The following PPP2R3A variants were observed in gnomAD, a reference collection of about 807,000 sequenced individuals.
PPP2R3A encodes serine/threonine-protein phosphatase 2A regulatory subunit B'' subunit alpha.
Under a neutral mutation model 106.9 loss-of-function variants are expected in PPP2R3A, and 80 were observed. The ratio of observed to expected loss-of-function variants is 0.75; its 90% CI spans 0.62 to 0.90. The LOEUF is 0.90. PPP2R3A is among the 40% of genes least tolerant of loss of function. The pLI is 0.00. For synonymous variants in PPP2R3A, 483 were observed against 468.3 expected, an observed-to-expected ratio of 1.03 and a Z score of -0.41; for missense variants, 1,386 against 1,350.4, an observed-to-expected ratio of 1.03 and a Z score of -0.41.
At chr3:135,987,930 G>A (rs752348842) in intron 1 of PPP2R3A, among the ~76,000 whole-genome samples, 3 of 152,182 alleles carry the variant, frequency 2.0e-5, no homozygotes, top group Admixed American at 6.6e-5. Flanking sequence ...CCATGGCTCA[G>A]CCTTTGGATA....
Position 135,966,038 on chromosome 3 carries a change from G to T in PPP2R3A, c.-441+189G>T, listed in dbSNP as rs1052673848. On this transcript the variant is annotated intron_variant, in intron 1 of 13. Coordinates refer to ENST00000264977, the MANE Select transcript of PPP2R3A (RefSeq NM_002718.5). Reference sequence around the variant, plus strand: ...GGCTGTGGAAGTCGGAATTCCAGTCGGTGCGGTGCGGTGCGGTGCGTTGCC... The same window carrying T: ...GGCTGTGGAAGTCGGAATTCCAGTCTGTGCGGTGCGGTGCGGTGCGTTGCC... Among the ~76,000 whole-genome samples, 9 of 152,054 alleles carry T rather than the reference G, an allele frequency of 5.9e-5. No homozygotes were observed. In the East Asian group the frequency reaches 1.8e-3, roughly 30 times the overall value.
intron 1 of PPP2R3A, among the ~76,000 whole-genome samples, chr3:135,983,653 A>T (rs1211364987): frequency 6.6e-6 from 1 of 152,108 alleles, no homozygotes; most frequent in Non-Finnish European, 1.5e-5. Flanking sequence ...AGCCTTCTGC[A>T]TCTTCTATTT....
chr3:135,987,534 C>G (rs548868723), intron 1 of PPP2R3A, among the ~76,000 whole-genome samples: 1 of 152,162 alleles, frequency 6.6e-6, no homozygotes, highest in South Asian at 2.1e-4. Flanking sequence ...CCAAGTCTTC[C>G]AAGGCTATTC....
At chr3:136,125,937 G>A (rs2108008119) in intron 13 of PPP2R3A, among the ~76,000 whole-genome samples, 1 of 152,266 alleles carries the variant, frequency 6.6e-6, no homozygotes, top group Non-Finnish European at 1.5e-5. Flanking sequence ...ACCCAAGTAA[G>A]GATAGAGGGG....
intron 3 of PPP2R3A, among the ~76,000 whole-genome samples, chr3:136,032,769 C>T (rs1212611292): frequency 1.3e-5 from 2 of 152,062 alleles, no homozygotes; most frequent in Non-Finnish European, 2.9e-5. Flanking sequence ...CTCCTGACCT[C>T]GTGATCTGCC....
At chr3:135,967,874 G>A (rs1937134227) in intron 1 of PPP2R3A, among the ~76,000 whole-genome samples, 1 of 152,136 alleles carries the variant, frequency 6.6e-6, no homozygotes, top group African/African-American at 2.4e-5. Context: ...GTTGTGGAGG[G>A]CTATCATGTG....
At chr3:136,020,115 C>T (rs1934414312) in intron 2 of PPP2R3A, among the ~76,000 whole-genome samples, 1 of 151,944 alleles carries the variant, frequency 6.6e-6, no homozygotes, top group South Asian at 2.1e-4. Context: ...AATTGAATGA[C>T]TATAAAATTA....
intron 10 of PPP2R3A, among the ~76,000 whole-genome samples, chr3:136,091,928 T>C (rs2107948284): frequency 6.6e-6 from 1 of 152,326 alleles, no homozygotes. Context: ...GATTTTGAAC[T>C]GTTTGTTACA....
chr3:136,103,404 G>A, intron 12 of PPP2R3A, 28 bp downstream of exon 12: 1 of 1,485,992 alleles, frequency 6.7e-7, no homozygotes, highest in Non-Finnish European at 9.3e-7. Flanking sequence ...ACTTTTATTT[G>A]AGGGCTGCAG....
At chr3:136,027,686 AT>A (rs1435087482) in intron 3 of PPP2R3A, among the ~76,000 whole-genome samples, 1 of 152,184 alleles carries the variant, frequency 6.6e-6, no homozygotes, top group African/African-American at 2.4e-5. Context: ...ATTATATTTG[AT>A]TATGCCATTT....
intron 13 of PPP2R3A, among the ~76,000 whole-genome samples, chr3:136,118,242 G>T (rs930240490): frequency 6.6e-6 from 1 of 152,080 alleles, no homozygotes; most frequent in African/African-American, 2.4e-5. Context: ...AATAATAAGA[G>T]CTATTTATGA....
intron 8 of PPP2R3A, among the ~76,000 whole-genome samples, chr3:136,085,974 AC>A (rs1325439040): frequency 7.9e-5 from 12 of 151,974 alleles, no homozygotes; most frequent in Non-Finnish European, 1.8e-4. Context: ...TGACAAAAAT[AC>A]AAATATTAGT....
intron 2 of PPP2R3A, among the ~76,000 whole-genome samples, chr3:136,023,903 T>G (rs1407971794): frequency 6.6e-6 from 1 of 152,114 alleles, no homozygotes; most frequent in African/African-American, 2.4e-5. Context: ...TTGACTACAA[T>G]ATAAATCAAG....
At chr3:136,082,097 A>AT (rs1559909242) in intron 7 of PPP2R3A, among the ~76,000 whole-genome samples, 168 bp from the exon 8 acceptor site, 1 of 152,092 alleles carries the variant, frequency 6.6e-6, no homozygotes, top group Admixed American at 6.5e-5. Flanking sequence ...ATGCTTATAG[A>AT]TTGATTGGTT....
At chr3:136,035,271 A>T (rs1047377014) in intron 3 of PPP2R3A, among the ~76,000 whole-genome samples, 2 of 151,994 alleles carry the variant, frequency 1.3e-5, no homozygotes, top group Non-Finnish European at 2.9e-5. Context: ...TGTTTCCTGT[A>T]TATCTTGGTT....
intron 1 of PPP2R3A, among the ~76,000 whole-genome samples, chr3:135,994,783 C>G (rs894336625): frequency 6.6e-6 from 1 of 152,154 alleles, no homozygotes; most frequent in Admixed American, 6.6e-5. Flanking sequence ...AACACACCAG[C>G]CTTTTTCTGT....
Position 135,985,704 on chromosome 3 carries a change from A to G in PPP2R3A, c.-440-15355A>G, listed in dbSNP as rs144309556. Among the ~76,000 whole-genome samples the G allele has an allele frequency of 4.6e-3, 704 of 152,300 alleles. 4 individuals carry two copies. The highest frequency in any genetic ancestry group is 8.5e-3 in the Non-Finnish European group (576 of 68,026). ...TATGGTTATTAAGATGTACTCTTAGATGTTCTAAAGGCTTAGGATGTGACC... is the reference window on the plus strand; with the variant it reads ...TATGGTTATTAAGATGTACTCTTAGGTGTTCTAAAGGCTTAGGATGTGACC... On this transcript the variant is annotated intron_variant, in intron 1 of 13. Coordinates refer to ENST00000264977, the MANE Select transcript of PPP2R3A (RefSeq NM_002718.5).
At chr3:136,009,255 T>C (rs887541957) in intron 2 of PPP2R3A, among the ~76,000 whole-genome samples, 9 of 152,070 alleles carry the variant, frequency 5.9e-5, no homozygotes, top group African/African-American at 2.2e-4. Flanking sequence ...CAGTAAGGGT[T>C]CTTGCATTTC....
chr3:136,139,778 C>T (rs1180653981), intron 13 of PPP2R3A, among the ~76,000 whole-genome samples: 5 of 150,774 alleles, frequency 3.3e-5, no homozygotes, highest in East Asian at 2.0e-4. Context: ...CCGAGGCAGG[C>T]GGATCACCTG....
Sources: allele counts gnomAD v4.1 joint callset (sites outside exome capture counted in the v4.1 genomes callset), GRCh38; gene constraint gnomAD v4.1.1; transcripts MANE v1.5; gene names NCBI Gene and HGNC (gene_info 2026-07-23, HGNC 2026-07-21).